ITGAM: variants seen among roughly 807,000 people sequenced by gnomAD.
The protein encoded by ITGAM is integrin subunit alpha M.
Under a neutral mutation model 137.5 loss-of-function variants are expected in ITGAM, and 79 were observed. The ratio of observed to expected loss-of-function variants is 0.57; its 90% CI spans 0.48 to 0.69. The LOEUF (loss-of-function observed/expected upper bound fraction) is 0.69, where lower values mean the gene tolerates loss of function less well. Ranked by LOEUF, ITGAM falls within the 30% of genes least tolerant of loss-of-function variation. The pLI is 0.00. For synonymous variants in ITGAM, 583 were observed against 592.3 expected, an observed-to-expected ratio of 0.98 and a Z score of 0.23; for missense variants, 1,343 against 1,483.5, an observed-to-expected ratio of 0.91 and a Z score of 1.56.
At chr16:31,272,909 T>C (rs779722715) in intron 7 of ITGAM, among the ~76,000 whole-genome samples, 11 of 152,112 alleles carry the variant, frequency 7.2e-5, no homozygotes, top group Non-Finnish European at 1.5e-4. Flanking sequence ...GGCAGTTGCA[T>C]CTCAGTGCTA....
intron 12 of ITGAM, among the ~76,000 whole-genome samples, chr16:31,292,753 G>GAT: frequency 6.6e-6 from 1 of 152,270 alleles, no homozygotes; most frequent in Admixed American, 6.5e-5. Context: ...ATGGTAGGAT[G>GAT]ATATATATTA....
chr16:31,297,245 C>A (rs927584469), intron 12 of ITGAM, among the ~76,000 whole-genome samples: 1 of 152,142 alleles, frequency 6.6e-6, no homozygotes, highest in Non-Finnish European at 1.5e-5. Context: ...AAGCTCACTG[C>A]AGCCTTAAAC....
chr16:31,317,967 G>A (rs1223395159), intron 14 of ITGAM, among the ~76,000 whole-genome samples: 1 of 152,106 alleles, frequency 6.6e-6, no homozygotes, highest in Non-Finnish European at 1.5e-5. Flanking sequence ...CAGTTTTTTG[G>A]ATGAGTTTGA....
chr16:31,261,563 G>T (rs766563837), intron 1 of ITGAM, 129 bp from the exon 2 acceptor site: 42 of 560,542 alleles, frequency 7.5e-5, no homozygotes, highest in Admixed American at 1.5e-4. Context: ...TGTTGCTCAG[G>T]CTGGAGTGCA....
chr16:31,280,718 C>T (rs1017646015), intron 12 of ITGAM, among the ~76,000 whole-genome samples: 1 of 152,014 alleles, frequency 6.6e-6, no homozygotes, highest in African/African-American at 2.4e-5. Context: ...TTTCTTTCTC[C>T]TGCCTGATTG....
At chr16:31,317,670 A>T (rs6565227) in intron 14 of ITGAM, among the ~76,000 whole-genome samples, 38,232 of 152,078 alleles carry the variant, frequency 0.25, 7,879 homozygotes, top group African/African-American at 0.57. Flanking sequence ...CTTATTGATA[A>T]GATCATGTTA....
At chr16:31,326,253 A>T (rs1363563219) in intron 21 of ITGAM, among the ~76,000 whole-genome samples, 1 of 151,990 alleles carries the variant, frequency 6.6e-6, no homozygotes, top group East Asian at 1.9e-4. Flanking sequence ...GCAACCACTA[A>T]TCTACTTTGT....
chr16:31,279,424 A>C (rs2079944259), intron 12 of ITGAM, among the ~76,000 whole-genome samples: 1 of 152,030 alleles, frequency 6.6e-6, no homozygotes, highest in Non-Finnish European at 1.5e-5. Context: ...TTTAATGATC[A>C]CCATTCTAAC....
chr16:31,263,487 A>G (rs2079728246), intron 2 of ITGAM, among the ~76,000 whole-genome samples: 1 of 152,098 alleles, frequency 6.6e-6, no homozygotes, highest in African/African-American at 2.4e-5. Context: ...GAAAATACCT[A>G]CTTCCTCATA....
At chr16:31,260,210 G>C in intron 1 of ITGAM, 118 bp downstream of exon 1, 1 of 747,888 alleles carries the variant, frequency 1.3e-6, no homozygotes, top group South Asian at 1.8e-5. Flanking sequence ...AGGGGATTTG[G>C]GGAAGGAGAA....
At chr16:31,329,723 T>C (rs1293396939) in intron 24 of ITGAM, 75 bp from the exon 25 acceptor site, 3 of 1,283,070 alleles carry the variant, frequency 2.3e-6, no homozygotes, top group Non-Finnish European at 2.2e-6. Flanking sequence ...GCCTGCCCCG[T>C]GGGGAGGGGA....
chr16:31,325,584 T>G lies in ITGAM; in HGVS notation c.2590T>G (p.Cys864Gly). The G allele has an allele frequency of 3.7e-6, 6 of 1,613,970 alleles. No homozygotes were observed. Among genetic ancestry groups the G allele is most frequent in the Non-Finnish European group, 5.1e-6 (6 of 1,179,874 alleles). ...EVSGALKSTS[C>G]SINHPIFPEN... ...GTCTGGGGCCTTGAAGAGCACCAGCTGCAGCATAAACCACCCCATCTTCCC... is the reference window on the plus strand; with the variant it reads ...GTCTGGGGCCTTGAAGAGCACCAGCGGCAGCATAAACCACCCCATCTTCCC... The change falls in exon 21 of 30, where the codon TGC becomes GGC. Residue 864 changes from cysteine to glycine, a missense_variant. Transcript: ENST00000544665.
chr16:31,265,553 A>G (rs1170826334), intron 3 of ITGAM, 55 bp downstream of exon 3: 2 of 1,187,282 alleles, frequency 1.7e-6, no homozygotes, highest in South Asian at 1.4e-5. Context: ...ACACATAGGG[A>G]CTTTCCAGGC....
rs967217113 is a variant in ITGAM at position 31,328,235 on chromosome 16, T to A, written c.2792+5T>A. Reference sequence around the variant, plus strand: ...TGTCTACATGGTGGTCACCAGGTGCTGGCTTCCAGGACTTTAGCTGAGCCT... The same window carrying A: ...TGTCTACATGGTGGTCACCAGGTGCAGGCTTCCAGGACTTTAGCTGAGCCT... On this transcript the variant is annotated splice_donor_5th_base_variant and intron_variant, in intron 23 of 29. Transcript: ENST00000544665. The A allele has an allele frequency of 6.2e-7, 1 of 1,612,324 alleles. No homozygotes were observed. The highest frequency in any genetic ancestry group is 8.5e-7 in the Non-Finnish European group (1 of 1,178,376).
At chr16:31,268,424 G>A (rs1337961798) in intron 5 of ITGAM, among the ~76,000 whole-genome samples, 1 of 152,200 alleles carries the variant, frequency 6.6e-6, no homozygotes, top group African/African-American at 2.4e-5. Flanking sequence ...CACTTTGGGA[G>A]GTCAAGGCAG....
At chr16:31,265,718 T>C (rs1043083930) in intron 3 of ITGAM, 93 bp from the exon 4 acceptor site, 1 of 1,076,974 alleles carries the variant, frequency 9.3e-7, no homozygotes, top group African/African-American at 1.6e-5. Flanking sequence ...TCAGACCTCC[T>C]TGTCTCCCGC....
At chr16:31,274,265 G>A (rs1013889552) in intron 8 of ITGAM, among the ~76,000 whole-genome samples, 6 of 152,180 alleles carry the variant, frequency 3.9e-5, no homozygotes, top group African/African-American at 9.7e-5. Flanking sequence ...CAATATATAA[G>A]TTATAGGTTA....
At position 31,330,580 on chromosome 16, in the gene ITGAM, G is replaced by A; in HGVS notation, c.3251G>A (p.Gly1084Glu). The A allele has an allele frequency of 6.2e-7, 1 of 1,611,856 alleles. No individual in the cohort carries two copies. Among genetic ancestry groups the A allele is most frequent in the Admixed American group, 1.7e-5 (1 of 59,804 alleles). ...FNDSVFTLLP[G>E]QGAFVRSQTE... ...GATTCCGTGTTCACCCTGCTGCCGG[G>A]ACAGGGGGCGTTTGTGAGGTCCCAG... The change falls in exon 28 of 30, where the codon GGA becomes GAA. Residue 1084 changes from glycine to glutamate, a missense_variant. Physicochemically the swap from Gly to Glu is moderately conservative, Grantham distance 98 (BLOSUM62 -2). Coordinates refer to ENST00000544665, the MANE Select transcript of ITGAM (RefSeq NM_000632.4).
intron 12 of ITGAM, among the ~76,000 whole-genome samples, chr16:31,286,180 AT>A (rs112530890): frequency 0.18 from 26,481 of 146,920 alleles, 2,863 homozygotes; most frequent in African/African-American, 0.31. Context: ...GATGTGATTC[AT>A]TTTTTTTTTT....
Sources: allele counts gnomAD v4.1 joint callset (sites outside exome capture counted in the v4.1 genomes callset), GRCh38; gene constraint gnomAD v4.1.1; transcripts MANE v1.5; gene names NCBI Gene and HGNC (gene_info 2026-07-23, HGNC 2026-07-21).